TTC3: variants seen among roughly 807,000 people sequenced by gnomAD.
The protein encoded by TTC3 is tetratricopeptide repeat domain 3, also known as E3 ubiquitin-protein ligase TTC3.
Under a neutral mutation model 249.6 loss-of-function variants are expected in TTC3, and 180 were observed. That is an observed-to-expected ratio of 0.72 (90% CI 0.64 to 0.82). TTC3 has a LOEUF of 0.82. TTC3 is among the 40% of genes least tolerant of loss of function. The pLI, the probability that TTC3 is intolerant of heterozygous loss-of-function variation, is 0.00. For synonymous variants in TTC3, 717 were observed against 805.0 expected (o/e 0.89, Z 1.85); for missense variants, 2,061 against 2,398.4 (o/e 0.86, Z 2.94).
At chr21:37,160,884 C>A (rs1446080756) in intron 30 of TTC3, 26 bp downstream of exon 30, 1 of 1,600,436 alleles carries the variant, frequency 6.2e-7, no homozygotes, top group Admixed American at 1.7e-5. Flanking sequence ...TGTATTAATT[C>A]TTGTCTAAAC....
chr21:37,088,879 A>C (rs1442785400), exon 5 of TTC3: 1 of 1,613,468 alleles, frequency 6.2e-7, no homozygotes, highest in African/African-American at 1.3e-5. Context: ...TTGGCAAAGA[A>C]AGTTGCTGTA....
intron 38 of TTC3, chr21:37,187,827 C>G (rs1195073368): frequency 6.6e-6 from 1 of 152,202 alleles, no homozygotes. Flanking sequence ...GGAAAAAGAG[C>G]CAAAGTATGA....
chr21:37,077,817 A>C (rs1338971020), intron 1 of TTC3, among the ~76,000 whole-genome samples: 2 of 152,086 alleles, frequency 1.3e-5, no homozygotes, highest in Non-Finnish European at 2.9e-5. Context: ...GTGCGTTGTA[A>C]ATATCTTTTT....
chr21:37,143,917 A>C (rs2147976093), intron 20 of TTC3, among the ~76,000 whole-genome samples: 1 of 141,168 alleles, frequency 7.1e-6, no homozygotes, highest in African/African-American at 2.7e-5. Flanking sequence ...GCAGCCATAA[A>C]AAAGGATGAG....
intron 11 of TTC3, among the ~76,000 whole-genome samples, chr21:37,115,652 T>C (rs969017265): frequency 3.9e-5 from 6 of 152,172 alleles, no homozygotes; most frequent in Admixed American, 3.9e-4. Flanking sequence ...ATCAAAGTTG[T>C]TACTCTGACC....
rs139364689 is a variant in TTC3, at chr21:37,144,574, C to T, written c.1822C>T (p.Arg608Cys). ...TGAGAAAGCAAGAACCTTGATTTAT[C>T]GTCTTCCTGGAGTGTTAACTTGGCC... is the stretch of plus-strand genomic sequence containing the variant. Residue 608 changes from arginine (R) to cysteine (C), a missense_variant, in exon 21 of 46, where the codon CGT (arginine) becomes TGT (cysteine). Around this residue, in one of 3 missense-constraint regions of TTC3, gnomAD observed 989 missense variants for 1,145.1 expected, o/e 0.86. Transcript: ENST00000355666. The T allele has an allele frequency of 4.3e-6, 7 of 1,612,082 alleles. No homozygotes were observed. The African/African-American group carries it at 5.3e-5, about 12-fold the overall frequency.
At chr21:37,188,356 A>G (rs1384129482) in intron 38 of TTC3, 139 bp from the exon 39 acceptor site, 2 of 595,142 alleles carry the variant, frequency 3.4e-6, no homozygotes, top group Non-Finnish European at 2.9e-6. Context: ...CACCTATGAT[A>G]CAATCAAGTT....
intron 11 of TTC3, among the ~76,000 whole-genome samples, chr21:37,116,608 A>G (rs2154535): frequency 0.66 from 99,291 of 151,422 alleles, 32,798 homozygotes; most frequent in Admixed American, 0.69. Flanking sequence ...CAGGAGTTCC[A>G]AGACCAGCCT....
chr21:37,196,503 C>CT (rs1359718312), intron 42 of TTC3, among the ~76,000 whole-genome samples: 1 of 152,154 alleles, frequency 6.6e-6, no homozygotes, highest in African/African-American at 2.4e-5. Context: ...TCCCAAAGTG[C>CT]TGGGGTTACA....
chr21:37,148,761 A>C, intron 23 of TTC3, 114 bp downstream of exon 23: 1 of 653,826 alleles, frequency 1.5e-6, no homozygotes, highest in South Asian at 2.6e-5. Flanking sequence ...TTAAATTATA[A>C]CTTTAATAAT....
At chr21:37,164,735 T>TA (rs2081094995) in intron 32 of TTC3, among the ~76,000 whole-genome samples, 1 of 152,174 alleles carries the variant, frequency 6.6e-6, no homozygotes, top group Admixed American at 6.5e-5. Flanking sequence ...ATAAAACAAG[T>TA]AAAAAATTCA....
chr21:37,132,807 T>G (rs1478955282), intron 17 of TTC3, 41 bp downstream of exon 17: 1 of 1,473,492 alleles, frequency 6.8e-7, no homozygotes, highest in Non-Finnish European at 9.3e-7. Context: ...CAAAACTCTT[T>G]GAACAAAACA....
intron 1 of TTC3, chr21:37,083,131 G>A (rs1198472152): frequency 1.0e-6 from 1 of 985,384 alleles, no homozygotes. Flanking sequence ...CAACTTGATG[G>A]TAGTGGGAAG....
chr21:37,143,987 G>T (rs965469026), intron 20 of TTC3, among the ~76,000 whole-genome samples: 2 of 151,360 alleles, frequency 1.3e-5, no homozygotes, highest in Admixed American at 1.3e-4. Flanking sequence ...GCAAACTGTT[G>T]CAGGGACAAA....
At chr21:37,075,494 G>A (rs556114819) in intron 1 of TTC3, among the ~76,000 whole-genome samples, 5 of 152,200 alleles carry the variant, frequency 3.3e-5, no homozygotes, top group African/African-American at 4.8e-5. Flanking sequence ...AGAAGCTCTC[G>A]AAGTGGTTGT....
intron 10 of TTC3, chr21:37,098,024 G>T: frequency 1.5e-6 from 1 of 687,818 alleles, no homozygotes. Flanking sequence ...TTAACGTTAT[G>T]CAGCTTTTAG....
In TTC3 at chr21:37,152,050, T is replaced by C. The variant is rs2079518374; in HGVS notation, c.2413+21T>C. On this transcript the variant is annotated intron_variant, in intron 26 of 45. Transcript: ENST00000355666. ...GAAAGGTATGCAGAAGCCAAAGGCA[T>C]GATAAGAATAATATACTCTCATTTA... 1.9e-6 allele frequency: 3 copies of C among 1,552,920 alleles called. No individual in the cohort carries two copies. The African/African-American group carries it at 4.2e-5, about 22-fold the overall frequency.
At chr21:37,175,457 T>C (rs1249000811) in intron 35 of TTC3, among the ~76,000 whole-genome samples, 2 of 150,832 alleles carry the variant, frequency 1.3e-5, no homozygotes, top group East Asian at 4.0e-4. Context: ...ATTAGCCTGA[T>C]GTGGTGGTGG....
intron 21 of TTC3, among the ~76,000 whole-genome samples, chr21:37,146,214 G>A (rs575278521): frequency 6.6e-6 from 1 of 152,284 alleles, no homozygotes; most frequent in South Asian, 2.1e-4. Context: ...TGCAGCCTGG[G>A]CAACAGAGTG....
Sources: gnomAD v4.1 joint callset for allele counts (sites outside exome capture counted in the v4.1 genomes callset) on GRCh38, gnomAD v4.1.1 for gene constraint, gnomAD v4.1.1 regional missense constraint, MANE v1.5 for transcripts, NCBI Gene and HGNC (gene_info 2026-07-23, HGNC 2026-07-21) for gene names.